USP43: variants seen among roughly 807,000 people sequenced by gnomAD.
USP43 encodes ubiquitin carboxyl-terminal hydrolase 43.
USP43 carries 33 observed loss-of-function variants against 90.7 expected under a neutral mutation model. The observed-to-expected ratio is 0.36, with a 90% confidence interval of 0.28 to 0.49. USP43 has a LOEUF of 0.49. Among genes scored for constraint, USP43 ranks in the 20% least tolerant of loss-of-function variants. USP43 has a pLI of 0.98. For missense variants in USP43, 1,274 were observed against 1,476.4 expected (o/e 0.86, Z 2.25); for synonymous variants, 598 against 615.8 (o/e 0.97, Z 0.43).
At position 9,709,891 on chromosome 17, in the gene USP43, G is replaced by A; in HGVS notation, c.2012-65G>A. The A allele has an allele frequency of 7.4e-7, 1 of 1,353,856 alleles. No individual in the cohort carries two copies. Among genetic ancestry groups the A allele is most frequent in the Non-Finnish European group, 9.6e-7 (1 of 1,043,662 alleles). The allele number at this position is 1,353,856 out of a possible 1,614,324, so 83.9% of individuals were successfully genotyped here. A position where few individuals can be genotyped will look rare whatever the true frequency, so the allele number is the denominator to read the frequency against. ...ACATACCGCTTTTTCAGCTATGCCA[G>A]TGGGAAATGTCTTCCTACCTTTTGG... On this transcript the variant is annotated intron_variant, in intron 12 of 14. Transcript: ENST00000285199. This position sits in a 1 kb window ranked among gnomAD's most constrained non-coding sequence, Gnocchi z 5.0.
chr17:9,697,698 G>A (rs8073341), intron 9 of USP43, among the ~76,000 whole-genome samples: 50,034 of 143,442 alleles, frequency 0.35, 10,203 homozygotes, highest in East Asian at 0.7. Flanking sequence ...GTAGTGTTCT[G>A]TGGTGTACAT....
chr17:9,698,188 T>G (rs1167501563), intron 9 of USP43, among the ~76,000 whole-genome samples: 2 of 152,226 alleles, frequency 1.3e-5, no homozygotes, highest in African/African-American at 4.8e-5. Flanking sequence ...GGATTATTTG[T>G]TTTTGTTGAC....
At chr17:9,698,842 G>A (rs913936680) in intron 9 of USP43, among the ~76,000 whole-genome samples, 1 of 152,178 alleles carries the variant, frequency 6.6e-6, no homozygotes, top group Non-Finnish European at 1.5e-5. Flanking sequence ...ACTGATTAAG[G>A]ATGCAGCTTA....
chr17:9,729,176 C>G lies in USP43; in HGVS notation c.*186C>G, dbSNP rs1251452247. The G allele has an allele frequency of 3.6e-5, 17 of 475,004 alleles. No individual in the cohort carries two copies. The East Asian group carries it at 5.8e-4, about 16-fold the overall frequency. 29.4% of individuals were successfully genotyped at this position (475,004 alleles called of 1,614,324 possible). ...TCCAACACCCAAGGTCCATATAACCCAAGGTCGAAAACCTTCCTGCATCAT... is the reference window on the plus strand; with the variant it reads ...TCCAACACCCAAGGTCCATATAACCGAAGGTCGAAAACCTTCCTGCATCAT... On this transcript the variant is annotated 3_prime_UTR_variant, in exon 15 of 15. Coordinates refer to ENST00000285199, the MANE Select transcript of USP43 (RefSeq NM_153210.5).
At chr17:9,700,093 G>A in intron 9 of USP43, 79 bp from the exon 10 acceptor site, 6 of 1,338,046 alleles carry the variant, frequency 4.5e-6, no homozygotes, top group Non-Finnish European at 6.2e-6. Flanking sequence ...CTTGGGTTGT[G>A]GGGGAGACTG....
chr17:9,646,360 G>A (rs1032303277), intron 1 of USP43, among the ~76,000 whole-genome samples: 1 of 152,216 alleles, frequency 6.6e-6, no homozygotes, highest in Non-Finnish European at 1.5e-5. Context: ...AGTGGGGTGA[G>A]CTGGCAGATT....
chr17:9,658,129 A>G (rs921055734), intron 2 of USP43, among the ~76,000 whole-genome samples: 5 of 152,178 alleles, frequency 3.3e-5, no homozygotes, highest in Admixed American at 2.6e-4. Flanking sequence ...AAATCTGGAA[A>G]CATTATTCTC....
chr17:9,646,485 G>A (rs1013456863), intron 1 of USP43, among the ~76,000 whole-genome samples: 13 of 152,170 alleles, frequency 8.5e-5, no homozygotes, highest in Admixed American at 3.3e-4. Flanking sequence ...ATGATGTGGG[G>A]TAGGGAATGG....
At chr17:9,672,153 C>T (rs570538449) in intron 3 of USP43, among the ~76,000 whole-genome samples, 9 of 152,194 alleles carry the variant, frequency 5.9e-5, no homozygotes, top group East Asian at 5.8e-4. Context: ...CCTGCCACCA[C>T]GCCCGGCTAA....
At chr17:9,675,571 G>A (rs1205485192) in intron 4 of USP43, among the ~76,000 whole-genome samples, 1 of 152,048 alleles carries the variant, frequency 6.6e-6, no homozygotes, top group Non-Finnish European at 1.5e-5. Flanking sequence ...CTCCTATGTG[G>A]GGTGTCTTCT....
intron 10 of USP43, 55 bp downstream of exon 10, chr17:9,700,304 C>T: frequency 1.3e-6 from 2 of 1,526,242 alleles, no homozygotes; most frequent in Non-Finnish European, 1.8e-6. Context: ...TGTGTGTGCC[C>T]AGGTTTCCCT....
intron 1 of USP43, among the ~76,000 whole-genome samples, chr17:9,647,848 C>CAAAAAAAAA (rs35223665): frequency 0.011 from 879 of 76,612 alleles, 20 homozygotes; most frequent in African/African-American, 0.02. Flanking sequence ...ACTAAAAATC[C>CAAAAAAAAA]AAAAAAAAAA....
chr17:9,691,108 A>ATT (rs557338364), intron 8 of USP43, among the ~76,000 whole-genome samples: 1 of 130,118 alleles, frequency 7.7e-6, no homozygotes. Context: ...AATTTCCTTC[A>ATT]TTTTTTTTTT....
rs184765087 is a variant in USP43, at chr17:9,701,035, C to T, written c.1536-84C>T. 209 of 1,403,478 alleles carry T rather than the reference C, an allele frequency of 1.5e-4. 1 individual carries two copies. The African/African-American group carries it at 1.6e-3, about 11-fold the overall frequency. 86.9% of individuals were successfully genotyped at this position (1,403,478 alleles called of 1,614,324 possible). A position where few individuals can be genotyped will look rare whatever the true frequency, so the allele number is the denominator to read the frequency against. On this transcript the variant is annotated intron_variant, in intron 10 of 14. Coordinates refer to ENST00000285199, the MANE Select transcript of USP43 (RefSeq NM_153210.5). This position sits in a 1 kb window ranked among gnomAD's most constrained non-coding sequence, Gnocchi z 7.2. ...GTGTGGCCTGGCCAATGTCTGCTGA[C>T]GGGTTTGCTGTGAGTAGAGACATAG... is the stretch of plus-strand genomic sequence containing the variant.
intron 3 of USP43, among the ~76,000 whole-genome samples, chr17:9,667,377 G>A (rs960478955): frequency 1.3e-5 from 2 of 152,072 alleles, no homozygotes; most frequent in Non-Finnish European, 2.9e-5. Flanking sequence ...GGGCAACAGA[G>A]TGAAACCCTA....
Position 9,686,561 on chromosome 17 carries a change from G to A in USP43, c.1242-237G>A, listed in dbSNP as rs548590135. 6.6e-6 allele frequency among the ~76,000 whole-genome samples: 1 copy of A among 152,268 alleles called. No homozygotes were observed. Among genetic ancestry groups the A allele is most frequent in the East Asian group, 1.9e-4 (1 of 5,184 alleles). ...TTGCATTTCCCTGATAATTAGTGAT[G>A]TTGGGCATTTTTTCATATGCCTGTT... On this transcript the variant is annotated intron_variant, in intron 7 of 14. Transcript: ENST00000285199. The surrounding 1 kb of genome is among the most constrained non-coding windows in gnomAD (Gnocchi z 5.5).
chr17:9,669,136 G>T (rs1913232876), intron 3 of USP43, among the ~76,000 whole-genome samples: 1 of 151,982 alleles, frequency 6.6e-6, no homozygotes, highest in Admixed American at 6.6e-5. Context: ...GAGCCACCAC[G>T]CCCGGCCGGG....
intron 14 of USP43, among the ~76,000 whole-genome samples, chr17:9,725,161 G>A (rs1917196002): frequency 6.6e-6 from 1 of 152,176 alleles, no homozygotes. Context: ...CAGCTGCACT[G>A]GTGCCATCTG....
At chr17:9,659,796 C>A (rs1169479248) in intron 2 of USP43, among the ~76,000 whole-genome samples, 1 of 150,284 alleles carries the variant, frequency 6.7e-6, no homozygotes, top group Non-Finnish European at 1.5e-5. Flanking sequence ...GGACCCAAAT[C>A]CAGCAAACTC....
Sources: allele counts gnomAD v4.1 joint callset (sites outside exome capture counted in the v4.1 genomes callset), GRCh38; gene constraint gnomAD v4.1.1; non-coding constraint Gnocchi (gnomAD v3.1); transcripts MANE v1.5; gene names NCBI Gene and HGNC (gene_info 2026-07-23, HGNC 2026-07-21).